INTS2: variants seen among roughly 807,000 people sequenced by gnomAD.
The protein encoded by INTS2 is integrator complex subunit 2, also known as KIAA1287.
In INTS2, 57 loss-of-function variants were observed where a neutral mutation model predicts 139.6. The observed-to-expected ratio is 0.41, with a 90% CI of 0.33 to 0.51. The LOEUF is 0.51. Among genes scored for constraint, INTS2 ranks in the 20% least tolerant of loss-of-function variants. The pLI is 0.28. For missense variants in INTS2, 1,196 were observed against 1,436.7 expected (o/e 0.83, Z 2.71); for synonymous variants, 473 against 493.4 (o/e 0.96, Z 0.55).
intron 18 of INTS2, among the ~76,000 whole-genome samples, chr17:61,877,253 ATAG>A (rs1023356167): frequency 5.3e-5 from 8 of 152,310 alleles, no homozygotes; most frequent in African/African-American, 1.9e-4. Flanking sequence ...AGAGATGAAA[ATAG>A]TAGTCTCTGG....
Position 61,891,594 on chromosome 17 carries a change from A to T in INTS2, c.1794T>A (p.Pro598=). 1 of 1,613,658 alleles carries T rather than the reference A, an allele frequency of 6.2e-7. No individual in the cohort carries two copies. ...TGGCTTCTGGATTAGATTTCGACGC[A>T]GGAGTAAGTATAGAATTTATGTACA... ...IDVYINSILT[P]ASKSNPEATN... The change falls in exon 14 of 25, where the codon CCT becomes CCA. Residue 598 remains proline (P), a synonymous_variant. Coordinates refer to ENST00000251334, the MANE Select transcript of INTS2 (RefSeq NM_001351695.2).
At chr17:61,902,979 AC>A (rs1286266186) in intron 9 of INTS2, among the ~76,000 whole-genome samples, 2 of 151,366 alleles carry the variant, frequency 1.3e-5, no homozygotes, top group Non-Finnish European at 2.9e-5. Flanking sequence ...ATCGTGGCTA[AC>A]ATGGTGAAAC....
At chr17:61,905,595 G>C (rs12949282) in intron 8 of INTS2, among the ~76,000 whole-genome samples, 91 of 152,326 alleles carry the variant, frequency 6.0e-4, no homozygotes, top group African/African-American at 2.1e-3. Context: ...CAGAGCGCTC[G>C]GATTATGGGC....
At chr17:61,881,613 G>C (rs564929332) in intron 16 of INTS2, among the ~76,000 whole-genome samples, 1 of 152,180 alleles carries the variant, frequency 6.6e-6, no homozygotes, top group African/African-American at 2.4e-5. Flanking sequence ...AAAAAAGAAT[G>C]ATTAGAGCAC....
rs1254609653 is a variant in INTS2, at chr17:61,866,413, AGT to A, written c.*1142_*1143del. ...GGTCTGTTTCAAGTGGGGGTGGGGA[AGT>A]GTGTGATTGAGGTATATCTCAGAGA... On this transcript the variant is annotated 3_prime_UTR_variant, in exon 25 of 25. Transcript: ENST00000251334. 1 of 151,786 alleles carries A rather than the reference AGT, an allele frequency of 6.6e-6. No homozygotes were observed. The highest frequency in any genetic ancestry group is 2.4e-5 in the African/African-American group (1 of 41,312). The allele number at this position is 151,786 out of a possible 1,614,324, so 9.4% of individuals were successfully genotyped here.
At chr17:61,915,295 T>C (rs2079568850) in intron 5 of INTS2, among the ~76,000 whole-genome samples, 1 of 149,292 alleles carries the variant, frequency 6.7e-6, no homozygotes, top group African/African-American at 2.5e-5. Flanking sequence ...CCGAGATCAC[T>C]CCACTGCACT....
In INTS2 at chr17:61,871,206, C is replaced by T. The variant is rs551447308; in HGVS notation, c.2778+1059G>A. ...CACGATCTCAGCTCACTGCAACCTC[C>T]GCCTCCCGGGTTCAAGCCATTCTCC... On this transcript the variant is annotated intron_variant, in intron 20 of 24. Coordinates refer to ENST00000251334, the MANE Select transcript of INTS2 (RefSeq NM_001351695.2). The surrounding 1 kb of genome is among the most constrained non-coding windows in gnomAD (Gnocchi z 4.9). Among the ~76,000 whole-genome samples the T allele has an allele frequency of 7.9e-5, 12 of 152,218 alleles. No individual in the cohort carries two copies. Among genetic ancestry groups the T allele is most frequent in the Admixed American group, 2.0e-4 (3 of 15,296 alleles).
At chr17:61,898,774 T>A (rs981807002) in intron 9 of INTS2, among the ~76,000 whole-genome samples, 2 of 151,866 alleles carry the variant, frequency 1.3e-5, no homozygotes, top group Non-Finnish European at 2.9e-5. Flanking sequence ...CCACCACACC[T>A]GGCTAATTTT....
intron 2 of INTS2, 120 bp from the exon 3 acceptor site, chr17:61,925,219 G>A (rs1567923340): frequency 1.1e-6 from 1 of 948,068 alleles, no homozygotes; most frequent in East Asian, 2.6e-5. Context: ...AAAATGTTCT[G>A]TTACTTCTGA....
chr17:61,927,103 C>T (rs1050555863), intron 1 of INTS2: 23 of 193,398 alleles, frequency 1.2e-4, no homozygotes, highest in African/African-American at 5.5e-4. Flanking sequence ...TGCTTTCTTT[C>T]ATACCCCGAT....
intron 15 of INTS2, among the ~76,000 whole-genome samples, chr17:61,887,464 CACA>C (rs1317981644): frequency 7.8e-6 from 1 of 128,714 alleles, no homozygotes; most frequent in African/African-American, 3.0e-5. Context: ...GCCTGGGCAA[CACA>C]ACAAGACTCT....
chr17:61,914,702 C>CAAAAAAAAAAA lies in INTS2; in HGVS notation c.650-2643_650-2633dup, dbSNP rs58141533. On this transcript the variant is annotated intron_variant, in intron 5 of 24. Transcript: ENST00000251334. ...TGGGCGACAGAGTGAGACTCCGTCT[C>CAAAAAAAAAAA]AAAAAAAAAAAAAAAAAAAAAATTA... is the stretch of plus-strand genomic sequence containing the variant. 8.5e-3 allele frequency among the ~76,000 whole-genome samples: 420 copies of CAAAAAAAAAAA among 49,310 alleles called. 8 individuals are homozygous for CAAAAAAAAAAA. Among genetic ancestry groups the CAAAAAAAAAAA allele is most frequent in the African/African-American group, 0.026 (381 of 14,766 alleles). 32.3% of individuals were successfully genotyped at this position (49,310 alleles called of 152,430 possible).
intron 5 of INTS2, among the ~76,000 whole-genome samples, chr17:61,915,021 T>C (rs1182920310): frequency 2.0e-5 from 3 of 151,330 alleles, no homozygotes; most frequent in South Asian, 2.1e-4. Context: ...CTGGCCAACA[T>C]GGTGAAACTC....
At position 61,872,526 on chromosome 17, in the gene INTS2, C is replaced by G; in HGVS notation, c.2583-66G>C. 5 of 1,100,718 alleles carry G rather than the reference C, an allele frequency of 4.5e-6. No homozygotes were observed. Among genetic ancestry groups the G allele is most frequent in the Non-Finnish European group, 6.3e-6 (5 of 793,100 alleles). The allele number at this position is 1,100,718 out of a possible 1,614,324, so 68.2% of individuals were successfully genotyped here. ...ATATAAATTTATAAATTAGCCAGAA[C>G]ATGATCAATTTAGTTTAAATGCTGA... is the stretch of plus-strand genomic sequence containing the variant. On this transcript the variant is annotated intron_variant, in intron 19 of 24. Coordinates refer to ENST00000251334, the MANE Select transcript of INTS2 (RefSeq NM_001351695.2). This position sits in a 1 kb window ranked among gnomAD's most constrained non-coding sequence, Gnocchi z 4.8.
In INTS2 at chr17:61,907,507, G is replaced by C. The variant is rs1388762897; in HGVS notation, c.1082C>G (p.Pro361Arg). 1.2e-6 allele frequency: 2 copies of C among 1,601,568 alleles called. No individual in the cohort carries two copies. The highest frequency in any genetic ancestry group is 1.7e-6 in the Non-Finnish European group (2 of 1,174,286). Residue 361 changes from proline to arginine, a missense_variant, in exon 8 of 25, where the codon CCC (proline) becomes CGC (arginine). Physicochemically the swap from Pro to Arg is moderately radical, Grantham distance 103. Transcript: ENST00000251334. ...CAGCCCCGAATACACAGACACATTG[G>C]GCTCCATATCCACATCAGCTTCTTC... is the stretch of plus-strand genomic sequence containing the variant. ...IVEEADVDME[P>R]NVSVYSGLKE...
chr17:61,905,695 TTA>T (rs144300285), intron 8 of INTS2, among the ~76,000 whole-genome samples: 2,139 of 152,228 alleles, frequency 0.014, 55 homozygotes, highest in African/African-American at 0.049. Context: ...CTCCTTTTTT[TTA>T]TGTTTTTTGT....
rs1482730492 is a variant in INTS2, at chr17:61,877,873, TA to T, written c.2456+13del. The T allele has an allele frequency of 6.3e-6, 10 of 1,578,694 alleles. No homozygotes were observed. The African/African-American group carries it at 1.3e-4, about 21-fold the overall frequency. The stretch of plus-strand genomic sequence containing the variant: ...TATAATTATCTATTACATGTAACAA[TA>T]CACTGAATTTACCTTCTAGGCATCA... On this transcript the variant is annotated intron_variant, in intron 18 of 24. Transcript: ENST00000251334.
chr17:61,892,853 C>A, intron 13 of INTS2, among the ~76,000 whole-genome samples: 1 of 146,324 alleles, frequency 6.8e-6, no homozygotes, highest in Non-Finnish European at 1.5e-5. Flanking sequence ...ACTCAGGAGG[C>A]GGAAGCAGGG....
At chr17:61,919,088 C>T (rs1313686702) in intron 5 of INTS2, among the ~76,000 whole-genome samples, 1 of 152,072 alleles carries the variant, frequency 6.6e-6, no homozygotes, top group Non-Finnish European at 1.5e-5. Context: ...CCACATCCAG[C>T]TAATTTTTGT....
Sources: gnomAD v4.1 joint callset for allele counts (sites outside exome capture counted in the v4.1 genomes callset) on GRCh38, gnomAD v4.1.1 for gene constraint, Gnocchi (gnomAD v3.1) non-coding constraint, MANE v1.5 for transcripts, NCBI Gene and HGNC (gene_info 2026-07-23, HGNC 2026-07-21) for gene names.